UTRN: variants seen among roughly 807,000 people sequenced by gnomAD.
UTRN encodes utrophin.
Under a neutral mutation model 463.9 loss-of-function variants are expected in UTRN, and 283 were observed. The observed-to-expected ratio is 0.61, with a 90% CI of 0.55 to 0.67. The LOEUF is 0.67. Ranked by LOEUF, UTRN falls within the 30% of genes least tolerant of loss-of-function variation. The probability of loss-of-function intolerance (pLI) is 0.00; values close to 1 mark genes in which losing one functional copy is unlikely to be tolerated. For missense variants in UTRN, 3,922 were observed against 4,084.3 expected (o/e 0.96, Z 1.08); for synonymous variants, 1,442 against 1,431.5 (o/e 1.01, Z -0.17).
At chr6:144,288,797 C>T (rs1248988574) in intron 1 of UTRN, among the ~76,000 whole-genome samples, 4 of 146,228 alleles carry the variant, frequency 2.7e-5, no homozygotes, top group African/African-American at 5.1e-5. Flanking sequence ...CTCACCCACT[C>T]GGTCGTCAAG....
At chr6:144,824,123 GA>G (rs1173760909) in intron 66 of UTRN, among the ~76,000 whole-genome samples, 1 of 152,018 alleles carries the variant, frequency 6.6e-6, no homozygotes, top group Non-Finnish European at 1.5e-5. Flanking sequence ...AACTGGGGTG[GA>G]AAACTATCAA....
intron 26 of UTRN, among the ~76,000 whole-genome samples, chr6:144,480,521 G>T (rs887235610): frequency 6.6e-6 from 1 of 152,172 alleles, no homozygotes; most frequent in African/African-American, 2.4e-5. Flanking sequence ...GAACACTGAC[G>T]TTTCATTAGA....
chr6:144,409,045 T>C (rs1250963991), intron 3 of UTRN, among the ~76,000 whole-genome samples: 6 of 152,148 alleles, frequency 3.9e-5, no homozygotes, highest in African/African-American at 7.2e-5. Context: ...ATTCAAGTGG[T>C]TCCTTAAAAA....
chr6:144,698,998 T>C (rs553078876), intron 52 of UTRN, among the ~76,000 whole-genome samples: 1 of 152,338 alleles, frequency 6.6e-6, no homozygotes, highest in East Asian at 1.9e-4. Flanking sequence ...TTGGTCAACC[T>C]TAAGCCAAAT....
chr6:144,625,156 A>G (rs940508382), intron 51 of UTRN, among the ~76,000 whole-genome samples: 3 of 152,204 alleles, frequency 2.0e-5, no homozygotes, highest in Non-Finnish European at 4.4e-5. Context: ...TGGAAGAAAT[A>G]GTGTGATGCC....
intron 50 of UTRN, among the ~76,000 whole-genome samples, chr6:144,563,321 T>G (rs1240326575): frequency 6.6e-6 from 1 of 152,176 alleles, no homozygotes; most frequent in Non-Finnish European, 1.5e-5. Context: ...ACTTTTTCAG[T>G]AATGATGTTT....
rs1780415358 is a variant in UTRN, at chr6:144,828,816, G to C, written c.9626G>C (p.Gly3209Ala). 6.2e-7 allele frequency: 1 copy of C among 1,613,352 alleles called. No individual in the cohort carries two copies. The highest frequency in any genetic ancestry group is 2.2e-5 in the East Asian group (1 of 44,804). ...CTGGCCCAGATGGAAAGGACTAATGGGTCTTTTCTCACTGATAGCAGCTCC... is the reference window on the plus strand; with the variant it reads ...CTGGCCCAGATGGAAAGGACTAATGCGTCTTTTCTCACTGATAGCAGCTCC... ...TRLAQMERTN[G>A]SFLTDSSSTT... Residue 3209 changes from glycine (G) to alanine (A), a missense_variant, in exon 69 of 75, where the codon GGG becomes GCG. Gly to Ala is a moderately conservative substitution (Grantham distance 60). Coordinates refer to ENST00000367545, the MANE Select transcript of UTRN (RefSeq NM_007124.3).
chr6:144,811,883 A>G (rs893573794), intron 65 of UTRN, among the ~76,000 whole-genome samples: 1 of 152,166 alleles, frequency 6.6e-6, no homozygotes, highest in African/African-American at 2.4e-5. Context: ...GCTGTTCAAC[A>G]ATGATTTTAG....
chr6:144,643,794 CAA>C (rs5880601), intron 51 of UTRN, among the ~76,000 whole-genome samples: 1,683 of 143,332 alleles, frequency 0.012, 29 homozygotes, highest in African/African-American at 0.04. Context: ...AACACCATCT[CAA>C]AAAAAAAAAA....
chr6:144,693,506 A>G (rs1562775895), intron 52 of UTRN, among the ~76,000 whole-genome samples: 2 of 152,172 alleles, frequency 1.3e-5, no homozygotes, highest in Non-Finnish European at 2.9e-5. Context: ...AATGATATTG[A>G]TCCCTCCTAT....
At chr6:144,473,682 A>G in intron 23 of UTRN, 38 bp from the exon 24 acceptor site, 1 of 1,569,482 alleles carries the variant, frequency 6.4e-7, no homozygotes, top group Non-Finnish European at 8.8e-7. Context: ...GCTGAACGTC[A>G]CGAAGTAATA....
At chr6:144,530,766 G>T (rs1431821103) in intron 41 of UTRN, among the ~76,000 whole-genome samples, 7 of 151,936 alleles carry the variant, frequency 4.6e-5, no homozygotes, top group African/African-American at 1.7e-4. Context: ...ATGTGAGTGT[G>T]CATGTGTGTA....
chr6:144,840,717 G>T (rs756904171), intron 72 of UTRN, 23 bp from the exon 73 acceptor site: 2 of 1,613,010 alleles, frequency 1.2e-6, no homozygotes, highest in Admixed American at 1.7e-5. Flanking sequence ...AAGCTTTGTT[G>T]TTCTCTTTAT....
intron 3 of UTRN, among the ~76,000 whole-genome samples, chr6:144,408,620 C>T (rs1297832049): frequency 6.6e-6 from 1 of 152,182 alleles, no homozygotes; most frequent in Non-Finnish European, 1.5e-5. Context: ...CAATTCCAAC[C>T]TTGAAATTCA....
At chr6:144,371,346 T>C (rs898572190) in intron 2 of UTRN, among the ~76,000 whole-genome samples, 2 of 152,206 alleles carry the variant, frequency 1.3e-5, no homozygotes, top group Admixed American at 6.5e-5. Context: ...TACCCATTAT[T>C]TACCATGAAC....
At chr6:144,468,415 C>T (rs909134891) in intron 23 of UTRN, among the ~76,000 whole-genome samples, 5 of 152,020 alleles carry the variant, frequency 3.3e-5, no homozygotes, top group East Asian at 1.9e-4. Context: ...ATACTGTATT[C>T]GTAATTTTAT....
rs9399502 is a variant in UTRN, at chr6:144,802,255, G to T, written c.9246-781G>T. The stretch of plus-strand genomic sequence containing the variant: ...CAAAAGTAAGCTGGCTGTAGTATAT[G>T]CAGAATGATTTCCTTAAGATTGATT... On this transcript the variant is annotated intron_variant, in intron 64 of 74. Transcript: ENST00000367545. Among the ~76,000 whole-genome samples, 234 of 152,290 alleles carry T rather than the reference G, an allele frequency of 1.5e-3. 6 individuals are homozygous for T. The East Asian group carries it at 0.038, about 25-fold the overall frequency.
At chr6:144,825,149 A>G (rs1780067747) in intron 66 of UTRN, among the ~76,000 whole-genome samples, 1 of 152,098 alleles carries the variant, frequency 6.6e-6, no homozygotes, top group Non-Finnish European at 1.5e-5. Flanking sequence ...CTAGGATTAC[A>G]GGCACAAGCT....
At chr6:144,482,962 G>A (rs978492967) in intron 27 of UTRN, among the ~76,000 whole-genome samples, 1 of 151,952 alleles carries the variant, frequency 6.6e-6, no homozygotes, top group African/African-American at 2.4e-5. Flanking sequence ...TTTAAACTAA[G>A]AGTGAGGTTT....
Sources: gnomAD v4.1 joint callset for allele counts (sites outside exome capture counted in the v4.1 genomes callset) on GRCh38, gnomAD v4.1.1 for gene constraint, MANE v1.5 for transcripts, NCBI Gene and HGNC (gene_info 2026-07-23, HGNC 2026-07-21) for gene names.